ALK: variants seen among roughly 807,000 people sequenced by gnomAD.
The protein encoded by ALK is ALK receptor tyrosine kinase, also known as ALK tyrosine kinase receptor.
In ALK, 74 loss-of-function variants were observed where a neutral mutation model predicts 163.1. That is an observed-to-expected ratio of 0.45 (90% CI 0.38 to 0.55). The LOEUF (loss-of-function observed/expected upper bound fraction) is 0.55, where lower values mean the gene tolerates loss of function less well. Ranked by LOEUF, ALK falls within the 20% of genes least tolerant of loss-of-function variation. ALK has a pLI of 0.00. For synonymous variants in ALK, 960 were observed against 843.2 expected (o/e 1.14, Z -2.40); for missense variants, 2,063 against 2,105.3 (o/e 0.98, Z 0.39).
intron 5 of ALK, among the ~76,000 whole-genome samples, chr2:29,371,347 C>T (rs932011438): frequency 6.6e-6 from 1 of 152,238 alleles, no homozygotes; most frequent in African/African-American, 2.4e-5. Context: ...TAGGCTATGC[C>T]CCTCGGCTAG....
intron 4 of ALK, among the ~76,000 whole-genome samples, chr2:29,403,823 GATCAT>G (rs906426675): frequency 6.6e-6 from 1 of 151,426 alleles, no homozygotes; most frequent in Non-Finnish European, 1.5e-5. Flanking sequence ...GAGGTAGGAG[GATCAT>G]TTGAGCCAGG....
intron 1 of ALK, among the ~76,000 whole-genome samples, chr2:29,799,853 G>A (rs1204482859): frequency 6.6e-6 from 1 of 152,164 alleles, no homozygotes; most frequent in Non-Finnish European, 1.5e-5. Context: ...GGCTGATCAA[G>A]AAATGCAAAA....
chr2:29,265,098 C>A (rs1665185071), intron 11 of ALK, among the ~76,000 whole-genome samples: 1 of 152,138 alleles, frequency 6.6e-6, no homozygotes, highest in African/African-American at 2.4e-5. Context: ...TAGCTCACTG[C>A]AACCTCTGCT....
chr2:29,871,355 G>A (rs992240751), intron 1 of ALK, among the ~76,000 whole-genome samples: 1 of 152,260 alleles, frequency 6.6e-6, no homozygotes, highest in Non-Finnish European at 1.5e-5. Context: ...GAATCCTACT[G>A]GACGGAATGT....
chr2:29,694,140 C>A (rs192538924), intron 3 of ALK, among the ~76,000 whole-genome samples: 1 of 152,136 alleles, frequency 6.6e-6, no homozygotes, highest in South Asian at 2.1e-4. Flanking sequence ...GAGCTTAGTG[C>A]CTTCATGTCT....
At chr2:29,567,300 A>C (rs1674219780) in intron 3 of ALK, among the ~76,000 whole-genome samples, 1 of 152,232 alleles carries the variant, frequency 6.6e-6, no homozygotes, top group South Asian at 2.1e-4. Context: ...TCTTCTAGAA[A>C]GAGTAAGATC....
intron 18 of ALK, 91 bp from the exon 19 acceptor site, chr2:29,225,656 A>G: frequency 9.5e-7 from 1 of 1,055,206 alleles, no homozygotes. Context: ...CCACTGAGAC[A>G]AAAACTACTT....
At chr2:29,254,061 A>T (rs776554122) in intron 11 of ALK, among the ~76,000 whole-genome samples, 9 of 152,110 alleles carry the variant, frequency 5.9e-5, no homozygotes, top group Non-Finnish European at 1.3e-4. Context: ...ACAAGATCCG[A>T]TGGCTTTGTA....
At chr2:29,255,481 C>G (rs1664927367) in intron 11 of ALK, among the ~76,000 whole-genome samples, 1 of 152,192 alleles carries the variant, frequency 6.6e-6, no homozygotes, top group Admixed American at 6.5e-5. Context: ...TCAAGAGAAT[C>G]TAATACTCGA....
At chr2:29,271,627 C>A (rs1385077290) in intron 11 of ALK, among the ~76,000 whole-genome samples, 4 of 152,242 alleles carry the variant, frequency 2.6e-5, no homozygotes, top group Non-Finnish European at 5.9e-5. Context: ...CCCCCCTCAT[C>A]TGCAGACTTG....
At chr2:29,275,055 C>CT in intron 11 of ALK, 44 bp downstream of exon 11, 1 of 1,613,156 alleles carries the variant, frequency 6.2e-7, no homozygotes, top group Non-Finnish European at 8.5e-7. Context: ...CTGCCTTTTG[C>CT]AACAAGAAGT....
At chr2:29,621,598 C>T (rs1676039774) in intron 3 of ALK, among the ~76,000 whole-genome samples, 1 of 152,178 alleles carries the variant, frequency 6.6e-6, no homozygotes, top group Non-Finnish European at 1.5e-5. Flanking sequence ...TGGGATTGCA[C>T]AAAGACGTCT....
At chr2:29,384,324 T>C (rs1462505971) in intron 4 of ALK, among the ~76,000 whole-genome samples, 1 of 152,244 alleles carries the variant, frequency 6.6e-6, no homozygotes, top group Admixed American at 6.5e-5. Flanking sequence ...TCAGGTTTGC[T>C]CTACAGTTAC....
chr2:29,423,455 C>T (rs907250417), intron 4 of ALK, among the ~76,000 whole-genome samples: 2 of 152,200 alleles, frequency 1.3e-5, no homozygotes, highest in South Asian at 4.1e-4. Context: ...GCTTAGATCA[C>T]GCCACAGGTG....
intron 1 of ALK, among the ~76,000 whole-genome samples, chr2:29,878,997 C>G (rs576525778): frequency 6.6e-6 from 1 of 152,088 alleles, no homozygotes; most frequent in African/African-American, 2.4e-5. Context: ...AGTATGCAGG[C>G]AAGAAACAGG....
chr2:29,409,624 C>T lies in ALK; in HGVS notation c.1155-25765G>A, dbSNP rs183267908. ...AGAGAAGATGCCATTGGACCTCCAG[C>T]CTTATAATGATCACCACTGGCTGAG... On this transcript the variant is annotated intron_variant, in intron 4 of 28. Transcript: ENST00000389048. 2.0e-5 allele frequency among the ~76,000 whole-genome samples: 3 copies of T among 152,304 alleles called. No individual in the cohort carries two copies. The East Asian group carries it at 5.8e-4, about 29-fold the overall frequency.
intron 11 of ALK, among the ~76,000 whole-genome samples, chr2:29,259,014 G>A (rs560614110): frequency 1.3e-5 from 2 of 152,014 alleles, no homozygotes; most frequent in Non-Finnish European, 2.9e-5. Context: ...ATATCACAAG[G>A]TACATCATGA....
intron 4 of ALK, among the ~76,000 whole-genome samples, chr2:29,480,187 A>T (rs1671628392): frequency 6.6e-6 from 1 of 152,214 alleles, no homozygotes; most frequent in South Asian, 2.1e-4. Flanking sequence ...AGTATACAGG[A>T]AAAGTACAGT....
intron 1 of ALK, among the ~76,000 whole-genome samples, chr2:29,866,638 G>C (rs1402459499): frequency 6.6e-6 from 1 of 152,242 alleles, no homozygotes; most frequent in Non-Finnish European, 1.5e-5. Context: ...GTGATATGCA[G>C]ATTTACCAGA....
Sources: gnomAD v4.1 joint callset for allele counts (sites outside exome capture counted in the v4.1 genomes callset) on GRCh38, gnomAD v4.1.1 for gene constraint, MANE v1.5 for transcripts, NCBI Gene and HGNC (gene_info 2026-07-23, HGNC 2026-07-21) for gene names.